The following PFKFB3 variants were observed in gnomAD, a reference collection of about 807,000 sequenced individuals.
The protein encoded by PFKFB3 is 6-phosphofructo-2-kinase/fructose-2,6-biphosphatase 3.
Under a neutral mutation model 68.0 loss-of-function variants are expected in PFKFB3, and 33 were observed. That is an observed-to-expected ratio of 0.49 (90% CI 0.37 to 0.65). PFKFB3 has a LOEUF of 0.65. Among genes scored for constraint, PFKFB3 ranks in the 30% least tolerant of loss-of-function variants. PFKFB3 has a pLI of 0.00. For missense variants in PFKFB3, 586 were observed against 712.2 expected, an observed-to-expected ratio of 0.82 and a Z score of 2.02; for synonymous variants, 315 against 288.2, an observed-to-expected ratio of 1.09 and a Z score of -0.94.
chr10:6,217,052 G>A, intron 5 of PFKFB3, 83 bp from the exon 6 acceptor site: 1 of 1,387,124 alleles, frequency 7.2e-7, no homozygotes, highest in Non-Finnish European at 1.0e-6. Flanking sequence ...CTTCCGCCTT[G>A]TCCGGGTGAT....
chr10:6,259,912 G>A, the PFKFB3 span, among the ~76,000 whole-genome samples: 4 of 152,172 alleles, frequency 2.6e-5, no homozygotes, highest in African/African-American at 9.7e-5. Flanking sequence ...GATGAGTGCT[G>A]GCTGAATGGC....
chr10:6,175,059 G>A lies in PFKFB3; in HGVS notation c.16+30046G>A, dbSNP rs75252425. Among the ~76,000 whole-genome samples the A allele has an allele frequency of 7.3e-3, 1,107 of 152,146 alleles. 14 individuals carry two copies. The highest frequency in any genetic ancestry group is 0.057 in the South Asian group (275 of 4,820). On this transcript the variant is annotated intron_variant, in intron 1 of 14. Coordinates refer to the PFKFB3 transcript ENST00000379789. ...TTGAATTCCTGACCCCAAGTGTTCC[G>A]TGCGTCTGCCTCCCACAGTGCTGGG... is the stretch of plus-strand genomic sequence containing the variant.
At position 6,215,406 on chromosome 10, in the gene PFKFB3, C is replaced by T. The variant is rs184178643; in HGVS notation, c.299+89C>T. 14 of 959,724 alleles carry T rather than the reference C, an allele frequency of 1.5e-5. No homozygotes were observed. The highest frequency in any genetic ancestry group is 1.1e-4 in the African/African-American group (7 of 61,200). The allele number at this position is 959,724 out of a possible 1,614,324, so 59.5% of individuals were successfully genotyped here. A position where few individuals can be genotyped will look rare whatever the true frequency, so the allele number is the denominator to read the frequency against. On this transcript the variant is annotated intron_variant, in intron 3 of 14. Coordinates refer to ENST00000379775, the MANE Select transcript of PFKFB3 (RefSeq NM_004566.4). The surrounding 1 kb of genome is among the most constrained non-coding windows in gnomAD (Gnocchi z 4.3). The stretch of plus-strand genomic sequence containing the variant: ...CTGGGCTGCAGGAGTAAGGCTGGGC[C>T]GCGGGCGTAGGGCTGGGCTGTGGGA...
At chr10:6,176,962 G>A (rs556653243) in intron 1 of PFKFB3, among the ~76,000 whole-genome samples, 1 of 152,324 alleles carries the variant, frequency 6.6e-6, no homozygotes, top group South Asian at 2.1e-4. Flanking sequence ...GGAGACGGCT[G>A]TCACTGGGCT....
intron 1 of PFKFB3, among the ~76,000 whole-genome samples, chr10:6,206,346 T>C (rs1843685142): frequency 7.2e-6 from 1 of 138,386 alleles, no homozygotes; most frequent in Admixed American, 7.2e-5. Context: ...CTCCCATGTC[T>C]ACTTCTTTCT....
At chr10:6,272,722 C>T in the PFKFB3 span, among the ~76,000 whole-genome samples, 1 of 151,974 alleles carries the variant, frequency 6.6e-6, no homozygotes, top group Non-Finnish European at 1.5e-5. Flanking sequence ...AATAGGTCGA[C>T]CTGGGCCCCA....
intron 1 of PFKFB3, 66 bp downstream of exon 1, chr10:6,203,402 C>G: frequency 7.8e-7 from 1 of 1,276,444 alleles, no homozygotes; most frequent in South Asian, 1.4e-5. Context: ...TTGTGTGGGG[C>G]GGCTTTGTGC....
the PFKFB3 span, chr10:6,294,287 G>T: frequency 2.0e-6 from 1 of 495,838 alleles, no homozygotes; most frequent in Non-Finnish European, 4.1e-6. Flanking sequence ...TTCTCACACT[G>T]TTAATAAAGA....
In PFKFB3 at chr10:6,215,380, G is replaced by T; in HGVS notation, c.299+63G>T. ...AATAAGGCTGGGCCGCGGGCATAAG[G>T]CTGGGCTGCAGGAGTAAGGCTGGGC... On this transcript the variant is annotated intron_variant, in intron 3 of 14. Transcript: ENST00000379775. This position sits in a 1 kb window ranked among gnomAD's most constrained non-coding sequence, Gnocchi z 4.3. The T allele has an allele frequency of 7.7e-7, 1 of 1,293,136 alleles. No individual in the cohort carries two copies. The highest frequency in any genetic ancestry group is 1.1e-6 in the Non-Finnish European group (1 of 898,446). The allele number at this position is 1,293,136 out of a possible 1,614,324, so 80.1% of individuals were successfully genotyped here. A position where few individuals can be genotyped will look rare whatever the true frequency, so the allele number is the denominator to read the frequency against.
chr10:6,313,051 A>T, the PFKFB3 span, among the ~76,000 whole-genome samples: 3 of 152,264 alleles, frequency 2.0e-5, no homozygotes, highest in African/African-American at 7.2e-5. This position sits in a 1 kb window ranked among gnomAD's most constrained non-coding sequence, Gnocchi z 4.2. Flanking sequence ...TTTGTTTGGC[A>T]AGAGCAAGTT....
chr10:6,171,698 A>G (rs1842317264), intron 1 of PFKFB3, among the ~76,000 whole-genome samples: 1 of 152,222 alleles, frequency 6.6e-6, no homozygotes, highest in Admixed American at 6.5e-5. Context: ...TGGCCTAGAT[A>G]TCTATTTTTT....
intron 1 of PFKFB3, among the ~76,000 whole-genome samples, chr10:6,209,855 C>T (rs1259457337): frequency 6.6e-6 from 1 of 151,296 alleles, no homozygotes; most frequent in Non-Finnish European, 1.5e-5. Flanking sequence ...AGCTGCGCCT[C>T]CCAGGTTCAC....
chr10:6,273,840 G>A, the PFKFB3 span, among the ~76,000 whole-genome samples: 1,392 of 152,262 alleles, frequency 9.1e-3, 10 homozygotes, highest in Non-Finnish European at 0.014. Context: ...GCTCCTTCCC[G>A]CAGCCTCAAA....
rs577478242 is a variant in PFKFB3, at chr10:6,179,305, G to A, written c.16+34292G>A. On this transcript the variant is annotated intron_variant, in intron 1 of 14. Coordinates refer to the PFKFB3 transcript ENST00000379789. ...CTGGGGAAGAGCAGTGGATGAGGGC[G>A]AAGCCGACAAGAGCCCAAACTCATC... Among the ~76,000 whole-genome samples, 6 of 152,374 alleles carry A rather than the reference G, an allele frequency of 3.9e-5. No homozygotes were observed. In the East Asian group the frequency reaches 5.8e-4, roughly 15 times the overall value.
downstream of PFKFB3, chr10:6,235,643 C>T: frequency 6.6e-6 from 1 of 152,310 alleles, no homozygotes; most frequent in East Asian, 1.9e-4. Flanking sequence ...ATCTTCCTTT[C>T]AACAGGATGT....
downstream of PFKFB3, among the ~76,000 whole-genome samples, chr10:6,236,391 A>G (rs1450506045): frequency 6.6e-6 from 1 of 152,234 alleles, no homozygotes. Context: ...TTCCTTCTGC[A>G]GCTGGTATGC....
the PFKFB3 span, among the ~76,000 whole-genome samples, chr10:6,313,477 C>A: frequency 6.6e-6 from 1 of 152,216 alleles, no homozygotes; most frequent in African/African-American, 2.4e-5. The surrounding 1 kb of genome is among the most constrained non-coding windows in gnomAD (Gnocchi z 4.2). Context: ...GCTGTTCCTT[C>A]AAGCATGATG....
rs746337777 is a variant in PFKFB3 at position 6,229,410 on chromosome 10, C to T, written c.1515+3045C>T. On this transcript the variant is annotated intron_variant, in intron 14 of 14. Transcript: ENST00000379775. This position sits in a 1 kb window ranked among gnomAD's most constrained non-coding sequence, Gnocchi z 4.3. ...CAGAAAGCCGGCCGCCTCCTCTCTG[C>T]GGCTTCTGGGAGTGGGCTGGGTGCC... 1.3e-5 allele frequency among the ~76,000 whole-genome samples: 2 copies of T among 152,348 alleles called. No individual in the cohort carries two copies. Among genetic ancestry groups the T allele is most frequent in the Admixed American group, 6.5e-5 (1 of 15,306 alleles).
chr10:6,205,537 C>T (rs914597744), intron 1 of PFKFB3, among the ~76,000 whole-genome samples: 7 of 151,720 alleles, frequency 4.6e-5, no homozygotes, highest in East Asian at 3.9e-4. Context: ...GGATTACAGG[C>T]GCACGCCGCC....
Sources: gnomAD v4.1 joint callset for allele counts (sites outside exome capture counted in the v4.1 genomes callset) on GRCh38, gnomAD v4.1.1 for gene constraint, Gnocchi (gnomAD v3.1) non-coding constraint, MANE v1.5 for transcripts, NCBI Gene and HGNC (gene_info 2026-07-23, HGNC 2026-07-21) for gene names.